The following CNKSR1 variants were observed in gnomAD, a reference collection of about 807,000 sequenced individuals.
CNKSR1 encodes the protein CNK homolog protein 1.
In CNKSR1, 88 loss-of-function variants were observed where a neutral mutation model predicts 95.6. That is an observed-to-expected ratio of 0.92 (90% CI 0.78 to 1.10). The LOEUF (loss-of-function observed/expected upper bound fraction) is 1.10. Among genes scored for constraint, CNKSR1 ranks in the 50% least tolerant of loss-of-function variants. CNKSR1 has a pLI of 0.00. For synonymous variants in CNKSR1, 355 were observed against 369.7 expected, an observed-to-expected ratio of 0.96 and a Z score of 0.46; for missense variants, 836 against 912.0, an observed-to-expected ratio of 0.92 and a Z score of 1.07.
intron 14 of CNKSR1, among the ~76,000 whole-genome samples, chr1:26,185,392 C>CT (rs559527821): frequency 0.032 from 4,180 of 130,676 alleles, 219 homozygotes; most frequent in African/African-American, 0.1. Flanking sequence ...AGAGAAAAAT[C>CT]TTTTTTTTTT....
chr1:26,184,507 G>C lies in CNKSR1; in HGVS notation c.1107G>C (p.Lys369Asn), dbSNP rs754950342. ...CAGGGCTCCCTGAATCCCCTGACAA[G>C]GTAAGCTCAGGGGCTTAGCAAGGGG... ...GTPGLPESPD[K>N]SPVGRKKSKG... Residue 369 changes from lysine to asparagine, a missense_variant and splice_region_variant, in exon 12 of 21, where the codon AAG becomes AAC. Lys to Asn is a moderately conservative substitution (Grantham distance 94). Coordinates refer to ENST00000361530, the MANE Select transcript of CNKSR1 (RefSeq NM_006314.3). 6.2e-7 allele frequency: 1 copy of C among 1,610,734 alleles called. No homozygotes were observed. Among genetic ancestry groups the C allele is most frequent in the Non-Finnish European group, 8.5e-7 (1 of 1,178,510 alleles).
chr1:26,177,703 C>A, intron 1 of CNKSR1, 104 bp downstream of exon 1: 3 of 1,345,912 alleles, frequency 2.2e-6, no homozygotes, highest in Middle Eastern at 2.0e-4. Flanking sequence ...GGACTGGGTG[C>A]GCTGGTTCAC....
chr1:26,184,725 A>G (rs2124512759), intron 13 of CNKSR1, 113 bp downstream of exon 13: 4 of 1,302,026 alleles, frequency 3.1e-6, no homozygotes, highest in African/African-American at 1.5e-5. Flanking sequence ...TCCTGGAAAC[A>G]GCTCTGTTTC....
At position 26,182,458 on chromosome 1, in the gene CNKSR1, A is replaced by G. The variant is rs759637025; in HGVS notation, c.520-22A>G. ...GTAGGGGCGATCGGGCTCAGGCTAC[A>G]TAGCCCGCTCCCCTCCCCCAGTGCA... On this transcript the variant is annotated intron_variant, in intron 5 of 20. Coordinates refer to ENST00000361530, the MANE Select transcript of CNKSR1 (RefSeq NM_006314.3). 3.5e-5 allele frequency: 56 copies of G among 1,613,608 alleles called. No homozygotes were observed. In the Middle Eastern group the frequency reaches 8.3e-4, roughly 24 times the overall value.
intron 20 of CNKSR1, 111 bp from the exon 21 acceptor site, chr1:26,189,168 G>T (rs1211102559): frequency 2.1e-6 from 3 of 1,422,758 alleles, no homozygotes; most frequent in African/African-American, 1.4e-5. Context: ...CTCGTGCCAC[G>T]CTGGCCAGGT....
In CNKSR1 at chr1:26,187,227, T is replaced by G. The variant is rs369423789; in HGVS notation, c.1368T>G (p.Asp456Glu). 9 of 1,613,654 alleles carry G rather than the reference T, an allele frequency of 5.6e-6. No individual in the cohort carries two copies. The highest frequency in any genetic ancestry group is 7.6e-6 in the Non-Finnish European group (9 of 1,179,772). Residue 456 changes from aspartate (D) to glutamate (E), a missense_variant, in exon 15 of 21, where the codon GAT becomes GAG. By Grantham distance (45) the Asp-to-Glu change is conservative. Coordinates refer to ENST00000361530, the MANE Select transcript of CNKSR1 (RefSeq NM_006314.3). The stretch of plus-strand genomic sequence containing the variant: ...ACTATAGTCTGGAAAGTGGACATGA[T>G]CAGAAGAAGAAATAGTTAAGTCTTG... ...VSNYSLESGHDQKKKYVFQLT... is the reference protein window; with the variant it reads ...VSNYSLESGHEQKKKYVFQLT...
At chr1:26,186,289 T>C (rs1455662600) in intron 14 of CNKSR1, among the ~76,000 whole-genome samples, 1 of 152,220 alleles carries the variant, frequency 6.6e-6, no homozygotes, top group African/African-American at 2.4e-5. Flanking sequence ...GAGCAAGCTC[T>C]TCTTGTTTGG....
Position 26,180,847 on chromosome 1 carries a change from G to T in CNKSR1, c.343G>T (p.Ala115Ser). ...GACCCCTATTGATGTCCTCTGTGCA[G>T]CTGTGGAGCTGTTGCATGAAGCTGA... is the stretch of plus-strand genomic sequence containing the variant. ...AKTPIDVLCA[A>S]VELLHEADAL... is the part of the protein sequence containing the mutation. The change falls in exon 3 of 21, where the codon GCT (alanine) becomes TCT (serine). Residue 115 changes from alanine to serine, a missense_variant. Physicochemically the swap from Ala to Ser is moderately conservative, Grantham distance 99 (BLOSUM62 1). Coordinates refer to ENST00000361530, the MANE Select transcript of CNKSR1 (RefSeq NM_006314.3). 1.2e-6 allele frequency: 2 copies of T among 1,614,236 alleles called. No individual in the cohort carries two copies. The highest frequency in any genetic ancestry group is 1.7e-6 in the Non-Finnish European group (2 of 1,180,038).
In CNKSR1 at chr1:26,184,286, A is replaced by C; in HGVS notation, c.999A>C (p.Thr333=). 2 of 1,613,502 alleles carry C rather than the reference A, an allele frequency of 1.2e-6. No individual in the cohort carries two copies. Among genetic ancestry groups the C allele is most frequent in the Middle Eastern group, 1.6e-4 (1 of 6,062 alleles). The stretch of plus-strand genomic sequence containing the variant: ...GTCCCGGACCCAGCCCTGCCTGGAC[A>C]GGTAGTCTCAAAGCTCCATGGATGC... ...NPSPGPSPAW[T]DSASLGPEPL... is the part of the protein sequence containing the mutation. The change falls in exon 11 of 21, where the codon ACA becomes ACC. Residue 333 remains threonine, a splice_region_variant and synonymous_variant. Transcript: ENST00000361530.
rs375678852 is a variant in CNKSR1 at position 26,184,162 on chromosome 1, G to A, written c.926+21G>A. On this transcript the variant is annotated intron_variant, in intron 10 of 20. Transcript: ENST00000361530. ...CCCAGGTAACAGGCTCTGTCCAGGT[G>A]TGTCTTGGTGGGGAGACCGTGGGCT... The A allele has an allele frequency of 1.9e-6, 3 of 1,612,492 alleles. No homozygotes were observed. In the African/African-American group the frequency reaches 4.0e-5, roughly 22 times the overall value.
At chr1:26,187,130 G>A in intron 14 of CNKSR1, 38 bp from the exon 15 acceptor site, 2 of 1,556,902 alleles carry the variant, frequency 1.3e-6, no homozygotes, top group Non-Finnish European at 1.8e-6. Context: ...TGAGGGTATT[G>A]GGGTTCCAAC....
chr1:26,177,625 G>C (rs752189159), intron 1 of CNKSR1, 26 bp downstream of exon 1: 1 of 1,613,636 alleles, frequency 6.2e-7, no homozygotes, highest in Non-Finnish European at 8.5e-7. Context: ...GTAGAGTTGG[G>C]CTTGAAGGGG....
Position 26,184,512 on chromosome 1 carries a change from G to A in CNKSR1, c.1107+5G>A. 6.2e-7 allele frequency: 1 copy of A among 1,609,924 alleles called. No homozygotes were observed. Among genetic ancestry groups the A allele is most frequent in the Non-Finnish European group, 8.5e-7 (1 of 1,178,080 alleles). ...CTCCCTGAATCCCCTGACAAGGTAA[G>A]CTCAGGGGCTTAGCAAGGGGGTGGG... On this transcript the variant is annotated splice_donor_5th_base_variant and intron_variant, in intron 12 of 20. Coordinates refer to ENST00000361530, the MANE Select transcript of CNKSR1 (RefSeq NM_006314.3).
chr1:26,179,172 AG>A (rs1374219067), intron 1 of CNKSR1, among the ~76,000 whole-genome samples: 2 of 152,244 alleles, frequency 1.3e-5, no homozygotes, highest in African/African-American at 4.8e-5. Context: ...TACCTTGTCC[AG>A]GCACAGGCCG....
Position 26,177,526 on chromosome 1 carries a change from T to C in CNKSR1, c.-22T>C. 6.2e-7 allele frequency: 1 copy of C among 1,613,880 alleles called. No homozygotes were observed. The highest frequency in any genetic ancestry group is 8.5e-7 in the Non-Finnish European group (1 of 1,179,938). ...GACAGCAGGGCAAAACAGGAGCTGA[T>C]TCGAGCTGGCAGAGCTGGGCCATGG... On this transcript the variant is annotated 5_prime_UTR_variant, in exon 1 of 21. Transcript: ENST00000361530.
In CNKSR1 at chr1:26,188,285, G is replaced by A. The variant is rs771431411; in HGVS notation, c.1506G>A (p.Arg502=). 5.1e-5 allele frequency: 82 copies of A among 1,613,960 alleles called. No homozygotes were observed. Among genetic ancestry groups the A allele is most frequent in the Non-Finnish European group, 6.8e-5 (80 of 1,180,024 alleles). The change falls in exon 17 of 21, where the codon CGG becomes CGA. Residue 502 remains arginine, a synonymous_variant. Coordinates refer to ENST00000361530, the MANE Select transcript of CNKSR1 (RefSeq NM_006314.3). ...TCISKYQSPG[R]APPPREEDCY... ...TCTCCAAGTACCAGTCTCCAGGCCG[G>A]GCCCCCCCACCCCGAGAGGAAGGTA...
chr1:26,184,953 T>G, intron 13 of CNKSR1, 61 bp from the exon 14 acceptor site: 10 of 1,493,494 alleles, frequency 6.7e-6, no homozygotes, highest in Non-Finnish European at 9.0e-6. Flanking sequence ...AGGCAGGGAG[T>G]AGGTTTAGCG....
chr1:26,187,117 C>T (rs2124515383), intron 14 of CNKSR1, 51 bp from the exon 15 acceptor site: 1 of 1,431,806 alleles, frequency 7.0e-7, no homozygotes, highest in East Asian at 2.3e-5. Flanking sequence ...GCTGACTGGG[C>T]CTTGAGGGTA....
rs376326724 is a variant in CNKSR1, at chr1:26,184,629, A to G, written c.1135+17A>G. 3.8e-6 allele frequency: 6 copies of G among 1,591,906 alleles called. No homozygotes were observed. The African/African-American group carries it at 8.0e-5, about 21-fold the overall frequency. Reference sequence around the variant, plus strand: ...AATCAAAAGGTATGAGGTGCGCTGGACTAGGTGGGGGTTCCCCTGTTTGAG... The same window carrying G: ...AATCAAAAGGTATGAGGTGCGCTGGGCTAGGTGGGGGTTCCCCTGTTTGAG... On this transcript the variant is annotated intron_variant, in intron 13 of 20. Transcript: ENST00000361530.
Sources: gnomAD v4.1 joint callset for allele counts (sites outside exome capture counted in the v4.1 genomes callset) on GRCh38, gnomAD v4.1.1 for gene constraint, MANE v1.5 for transcripts, NCBI Gene and HGNC (gene_info 2026-07-23, HGNC 2026-07-21) for gene names.